The following SH3TC1 variants were observed in gnomAD, a reference collection of about 807,000 sequenced individuals.
SH3TC1 encodes the protein SH3 domain and tetratricopeptide repeat-containing protein 1.
Under a neutral mutation model 117.3 loss-of-function variants are expected in SH3TC1, and 135 were observed. The observed-to-expected ratio is 1.15, with a 90% CI of 1.00 to 1.33. The LOEUF (loss-of-function observed/expected upper bound fraction) is 1.33, where lower values mean the gene tolerates loss of function less well. Among genes scored for constraint, SH3TC1 ranks in the 40% most tolerant of loss-of-function variants. The pLI, the probability that SH3TC1 is intolerant of heterozygous loss-of-function variation, is 0.00. For missense variants in SH3TC1, 2,092 were observed against 1,794.3 expected (o/e 1.17, Z -3.00); for synonymous variants, 898 against 816.9 (o/e 1.10, Z -1.69).
rs188790540 is a variant in SH3TC1, at chr4:8,190,788, G to T, written c.-57+8578G>T. Among the ~76,000 whole-genome samples, 282 of 152,138 alleles carry T rather than the reference G, an allele frequency of 1.9e-3. 2 individuals are homozygous for T. Among genetic ancestry groups the T allele is most frequent in the Admixed American group, 2.6e-3 (39 of 15,290 alleles). ...CCCGAGCAGCTGGGACTACAGGCACGCACCACCATGCCCAGCTAATTTTTT... is the reference window on the plus strand; with the variant it reads ...CCCGAGCAGCTGGGACTACAGGCACTCACCACCATGCCCAGCTAATTTTTT... On this transcript the variant is annotated intron_variant, in intron 1 of 16. Coordinates refer to the SH3TC1 transcript ENST00000508641. The surrounding 1 kb of genome is among the most constrained non-coding windows in gnomAD (Gnocchi z 4.7).
rs368331401 is a variant in SH3TC1, at chr4:8,227,260, G to A, written c.1566G>A (p.Ala522=). ...KASFRGLYDV[A]LPWLSSVFRS... ...GCTTCCGTGGCCTGTACGATGTGGCGCTGCCGTGGCTGAGCAGCGTGTTCC... is the reference window on the plus strand; with the variant it reads ...GCTTCCGTGGCCTGTACGATGTGGCACTGCCGTGGCTGAGCAGCGTGTTCC... Residue 522 remains alanine, a synonymous_variant, in exon 12 of 18, where the codon GCG becomes GCA. Coordinates refer to ENST00000245105, the MANE Select transcript of SH3TC1 (RefSeq NM_018986.5). 6.8e-5 allele frequency: 108 copies of A among 1,598,646 alleles called. No individual in the cohort carries two copies. Among genetic ancestry groups the A allele is most frequent in the Middle Eastern group, 3.4e-4 (2 of 5,934 alleles).
At chr4:8,235,713 T>G in intron 15 of SH3TC1, 158 bp downstream of exon 15, 1 of 1,055,868 alleles carries the variant, frequency 9.5e-7, no homozygotes. Flanking sequence ...ATATTGACTG[T>G]GCCCCCCGCC....
chr4:8,228,790 G>A, intron 12 of SH3TC1, 146 bp downstream of exon 12: 1 of 704,130 alleles, frequency 1.4e-6, no homozygotes, highest in South Asian at 2.2e-5. Context: ...CAAGCGCCCT[G>A]GAGACAGGCA....
intron 13 of SH3TC1, 28 bp downstream of exon 13, chr4:8,232,184 GCGGGGGGA>G: frequency 1.9e-6 from 1 of 513,422 alleles, no homozygotes; most frequent in Non-Finnish European, 3.1e-6. Context: ...GGTGGTGGGG[GCGGGGGGA>G]GGGGGCAAAG....
rs935057375 is a variant in SH3TC1, at chr4:8,183,941, G to A, written c.-57+1731G>A. ...TAATTTTTGTATTTTTAGTAGATAC[G>A]GGGTTTCACCATGTTGGCCAGGCTG... is the stretch of plus-strand genomic sequence containing the variant. On this transcript the variant is annotated intron_variant, in intron 1 of 16. Transcript: ENST00000508641. The surrounding 1 kb of genome is among the most constrained non-coding windows in gnomAD (Gnocchi z 5.4). 3.9e-5 allele frequency among the ~76,000 whole-genome samples: 6 copies of A among 152,062 alleles called. No homozygotes were observed. The highest frequency in any genetic ancestry group is 1.9e-4 in the East Asian group (1 of 5,194).
chr4:8,236,069 G>A, intron 15 of SH3TC1: 1 of 601,932 alleles, frequency 1.7e-6, no homozygotes, highest in Non-Finnish European at 2.7e-6. Context: ...CTGGTTTGAG[G>A]CTGCCGGGTG....
In SH3TC1 at chr4:8,209,749, C is replaced by T. The variant is rs144449036; in HGVS notation, c.174C>T (p.Asp58=). The T allele has an allele frequency of 5.6e-6, 9 of 1,613,622 alleles. No homozygotes were observed. Among genetic ancestry groups the T allele is most frequent in the Admixed American group, 5.0e-5 (3 of 59,982 alleles). ...TCCTGGGAACCTGCTGTGTTGCAGA[C>T]GAGGCTCCTCCTGCCCGCGTGGCTG... ...PEEAKAPVRG[D]EAPPARVAGP... The change falls in exon 3 of 18, where the codon GAC becomes GAT. Residue 58 remains aspartate (D), a splice_region_variant and synonymous_variant. Coordinates refer to ENST00000245105, the MANE Select transcript of SH3TC1 (RefSeq NM_018986.5). This position sits in a 1 kb window ranked among gnomAD's most constrained non-coding sequence, Gnocchi z 5.9.
rs1026963556 is a variant in SH3TC1 at position 8,192,021 on chromosome 4, G to T, written c.-57+9811G>T. Among the ~76,000 whole-genome samples the T allele has an allele frequency of 2.6e-5, 4 of 151,424 alleles. No individual in the cohort carries two copies. Among genetic ancestry groups the T allele is most frequent in the Admixed American group, 6.6e-5 (1 of 15,194 alleles). On this transcript the variant is annotated intron_variant, in intron 1 of 16. Coordinates refer to the SH3TC1 transcript ENST00000508641. The surrounding 1 kb of genome is among the most constrained non-coding windows in gnomAD (Gnocchi z 4.1). ...TTTATTATTTTTGAGACGGAGTCTT[G>T]CTCTGTCACCCAGGCTGGAGTGCAA... is the stretch of plus-strand genomic sequence containing the variant.
At position 8,206,421 on chromosome 4, in the gene SH3TC1, C is replaced by T. The variant is rs1303584675; in HGVS notation, c.172+1055C>T. Reference sequence around the variant, plus strand: ...CGCTGTGCCCAGGGCCACGAGTGCACAAGGAGACTGAGACGCGCAGGAGGG... The same window carrying T: ...CGCTGTGCCCAGGGCCACGAGTGCATAAGGAGACTGAGACGCGCAGGAGGG... On this transcript the variant is annotated intron_variant, in intron 2 of 17. Transcript: ENST00000245105. This position sits in a 1 kb window ranked among gnomAD's most constrained non-coding sequence, Gnocchi z 5.5. Among the ~76,000 whole-genome samples the T allele has an allele frequency of 6.6e-6, 1 of 152,054 alleles. No individual in the cohort carries two copies. The highest frequency in any genetic ancestry group is 1.5e-5 in the Non-Finnish European group (1 of 68,012).
chr4:8,212,228 C>T (rs1186556759), intron 3 of SH3TC1, among the ~76,000 whole-genome samples: 1 of 152,030 alleles, frequency 6.6e-6, no homozygotes, highest in African/African-American at 2.4e-5. Context: ...GAGGTGGGTG[C>T]CCCCATGGTC....
upstream of SH3TC1, among the ~76,000 whole-genome samples, chr4:8,198,871 G>A (rs914732272): frequency 2.6e-5 from 4 of 152,222 alleles, no homozygotes; most frequent in Admixed American, 2.6e-4. Flanking sequence ...GTCTCTGTGT[G>A]CCCATGCATA....
At chr4:8,231,548 G>A (rs141353759) in intron 12 of SH3TC1, 217 of 171,368 alleles carry the variant, frequency 1.3e-3, no homozygotes, top group African/African-American at 4.8e-3. Context: ...GTGTGGGAAT[G>A]CCAGGGGCCG....
intron 1 of SH3TC1, among the ~76,000 whole-genome samples, chr4:8,187,525 A>G (rs1578632519): frequency 6.7e-6 from 1 of 149,204 alleles, no homozygotes; most frequent in Non-Finnish European, 1.5e-5. Flanking sequence ...ACTGGTGTGG[A>G]CTCATACATA....
upstream of SH3TC1, among the ~76,000 whole-genome samples, chr4:8,195,577 C>T (rs911797385): frequency 5.3e-5 from 8 of 152,298 alleles, no homozygotes; most frequent in Admixed American, 1.3e-4. Context: ...AAACAGGATA[C>T]GGGGTCTCCA....
At chr4:8,214,397 G>A (rs776782471) in intron 4 of SH3TC1, 78 bp from the exon 5 acceptor site, 71 of 1,361,434 alleles carry the variant, frequency 5.2e-5, no homozygotes, top group Non-Finnish European at 7.0e-5. Flanking sequence ...AGATGTCTCT[G>A]TCATGTGGAC....
chr4:8,222,690 T>TG, intron 9 of SH3TC1, 150 bp from the exon 10 acceptor site: 94 of 500,868 alleles, frequency 1.9e-4, no homozygotes, highest in Middle Eastern at 1.1e-3. Context: ...TTGTTGTTGT[T>TG]GTTGTTTTTA....
intron 1 of SH3TC1, among the ~76,000 whole-genome samples, chr4:8,187,241 A>G (rs1483055454): frequency 6.6e-6 from 1 of 152,224 alleles, no homozygotes; most frequent in Non-Finnish European, 1.5e-5. Flanking sequence ...ACGACAGCAA[A>G]GTGCACTCCT....
intron 5 of SH3TC1, chr4:8,215,229 G>A: frequency 2.2e-6 from 1 of 456,298 alleles, no homozygotes; most frequent in Non-Finnish European, 4.4e-6. Flanking sequence ...GCTGTTATTT[G>A]AAAGCTGACC....
chr4:8,236,633 G>C lies in SH3TC1; in HGVS notation c.3556+205G>C, dbSNP rs546458785. 1.7e-3 allele frequency: 927 copies of C among 550,960 alleles called. 1 individual carries two copies. Among genetic ancestry groups the C allele is most frequent in the Non-Finnish European group, 2.4e-3 (844 of 346,762 alleles). The allele number at this position is 550,960 out of a possible 1,614,324, so 34.1% of individuals were successfully genotyped here. A position where few individuals can be genotyped will look rare whatever the true frequency, so the allele number is the denominator to read the frequency against. Reference sequence around the variant, plus strand: ...AGTGCAGAGCTCCCTGCCTGGCTGAGCTCTGCTTCCTGTGCCTCTTCCCCC... The same window carrying C: ...AGTGCAGAGCTCCCTGCCTGGCTGACCTCTGCTTCCTGTGCCTCTTCCCCC... On this transcript the variant is annotated intron_variant, in intron 16 of 17. Transcript: ENST00000245105.
Sources: gnomAD v4.1 joint callset for allele counts (sites outside exome capture counted in the v4.1 genomes callset) on GRCh38, gnomAD v4.1.1 for gene constraint, Gnocchi (gnomAD v3.1) non-coding constraint, MANE v1.5 for transcripts, NCBI Gene and HGNC (gene_info 2026-07-23, HGNC 2026-07-21) for gene names.